The following RNF212 variants were observed in gnomAD, a reference collection of about 807,000 sequenced individuals.
RNF212 encodes the protein ring finger protein 212, also known as probable E3 SUMO-protein ligase RNF212.
In RNF212, 33 loss-of-function variants were observed where a neutral mutation model predicts 34.7. The observed-to-expected ratio is 0.95, with a 90% confidence interval of 0.72 to 1.27. RNF212 has a LOEUF of 1.27. Ranked by LOEUF, RNF212 falls within the 50% of genes most tolerant of loss-of-function variation. RNF212 has a pLI of 0.00. For synonymous variants in RNF212, 140 were observed against 136.1 expected, an observed-to-expected ratio of 1.03 and a Z score of -0.20; for missense variants, 377 against 362.2, an observed-to-expected ratio of 1.04 and a Z score of -0.33.
intron 5 of RNF212, among the ~76,000 whole-genome samples, chr4:1,082,973 G>A (rs1720593002): frequency 6.6e-6 from 1 of 152,204 alleles, no homozygotes; most frequent in African/African-American, 2.4e-5. Flanking sequence ...AACAAAAGTG[G>A]GTGGCACGAA....
upstream of RNF212, chr4:1,113,703 G>A: frequency 2.4e-6 from 1 of 419,812 alleles, no homozygotes. Flanking sequence ...AGTAGGCGGA[G>A]GAACGCACCG....
chr4:1,113,479 C>A lies in RNF212; in HGVS notation c.-15G>T, dbSNP rs1203945330. The A allele has an allele frequency of 6.2e-7, 1 of 1,601,670 alleles. No homozygotes were observed. Among genetic ancestry groups the A allele is most frequent in the East Asian group, 2.3e-5 (1 of 43,924 alleles). ...CAGTTGGCCATGCCAGGCGGGCGAC[C>A]GCAGCGGCGAGGCCGGGCCCACGCG... is the stretch of plus-strand genomic sequence containing the variant. On this transcript the variant is annotated 5_prime_UTR_variant, in exon 1 of 10. Coordinates refer to ENST00000433731, the MANE Select transcript of RNF212 (RefSeq NM_001131034.4).
chr4:1,113,581 C>G (rs1371916943), upstream of RNF212: 8 of 737,584 alleles, frequency 1.1e-5, no homozygotes, highest in Non-Finnish European at 1.6e-5. Flanking sequence ...GCAAAGTCGA[C>G]GGCAGCCCTG....
chr4:1,074,287 A>T (rs1251404325), intron 8 of RNF212, among the ~76,000 whole-genome samples: 1 of 152,110 alleles, frequency 6.6e-6, no homozygotes, highest in African/African-American at 2.4e-5. Context: ...TGCTACTTCT[A>T]GTTGCTGCCC....
chr4:1,076,889 T>C (rs1577661320), intron 8 of RNF212, among the ~76,000 whole-genome samples: 1 of 152,196 alleles, frequency 6.6e-6, no homozygotes, highest in South Asian at 2.1e-4. Flanking sequence ...CATGACAGAG[T>C]TGAGTAGCTG....
chr4:1,072,890 C>T lies in RNF212; in HGVS notation c.878G>A (p.Arg293Lys). The T allele has an allele frequency of 6.2e-7, 1 of 1,605,072 alleles. No individual in the cohort carries two copies. Among genetic ancestry groups the T allele is most frequent in the Non-Finnish European group, 8.5e-7 (1 of 1,175,374 alleles). Reference sequence around the variant, plus strand: ...AAATGCAAATCAAAATGACTTTTTCCTTTCAAATTGGCAAAGAGGAAACAC... The same window carrying T: ...AAATGCAAATCAAAATGACTTTTTCTTTTCAAATTGGCAAAGAGGAAACAC... ...SVVFPLCQFERKKSF is the reference protein window; with the variant it reads ...SVVFPLCQFEKKKSF Residue 293 changes from arginine (R) to lysine (K), a missense_variant, in exon 10 of 10, where the codon AGG (arginine) becomes AAG (lysine). By Grantham distance (26) the Arg-to-Lys change is conservative. Coordinates refer to ENST00000433731, the MANE Select transcript of RNF212 (RefSeq NM_001131034.4).
chr4:1,064,960 C>T (rs976201180), intron 3 of RNF212, among the ~76,000 whole-genome samples: 45 of 152,174 alleles, frequency 3.0e-4, no homozygotes, highest in African/African-American at 9.7e-4. Context: ...CACGCGGTAG[C>T]GTGTGCCAGA....
At chr4:1,075,332 G>C (rs537362658) in intron 8 of RNF212, among the ~76,000 whole-genome samples, 6 of 152,186 alleles carry the variant, frequency 3.9e-5, no homozygotes, top group Admixed American at 1.3e-4. Flanking sequence ...AAGAAAAGAG[G>C]TTTAACTGGC....
intron 2 of RNF212, among the ~76,000 whole-genome samples, chr4:1,098,455 G>C (rs963114126): frequency 6.6e-6 from 1 of 152,208 alleles, no homozygotes; most frequent in Non-Finnish European, 1.5e-5. Context: ...GGCTCCCAGA[G>C]GCAGAGGCCA....
chr4:1,094,576 G>C (rs548786654), intron 3 of RNF212, among the ~76,000 whole-genome samples: 87 of 152,226 alleles, frequency 5.7e-4, no homozygotes, highest in Admixed American at 3.1e-3. Context: ...TCAGCTGCCA[G>C]GATGGGGGCC....
At chr4:1,100,467 G>C (rs1003057265) in intron 2 of RNF212, 1 of 143,628 alleles carries the variant, frequency 7.0e-6, no homozygotes, top group African/African-American at 2.7e-5. Context: ...GATTGCAGTG[G>C]TGCGATCTCC....
In RNF212 at chr4:1,073,102, T is replaced by C; in HGVS notation, c.666A>G (p.Ser222=). The change falls in exon 10 of 10, where the codon TCA becomes TCG. Residue 222 remains serine, a synonymous_variant. Coordinates refer to ENST00000433731, the MANE Select transcript of RNF212 (RefSeq NM_001131034.4). ...GACAGACGTCTATGCAGAAACATGG[T>C]GAACCTCTGGAAATGACACACTCTC... The part of the protein sequence containing the change: ...VPGECVISRG[S]PCFCIDVCPH... 6.2e-7 allele frequency: 1 copy of C among 1,614,074 alleles called. No individual in the cohort carries two copies. Among genetic ancestry groups the C allele is most frequent in the Non-Finnish European group, 8.5e-7 (1 of 1,180,020 alleles).
chr4:1,103,020 A>G lies in RNF212; in HGVS notation c.171+5323T>C, dbSNP rs564828075. Among the ~76,000 whole-genome samples, 39 of 152,202 alleles carry G rather than the reference A, an allele frequency of 2.6e-4. No homozygotes were observed. In the South Asian group the frequency reaches 7.0e-3, roughly 27 times the overall value. ...AAAAAAAATCACTAACATTTGGCACACTGGTCAAGAGAAAAGAGAATTCAT... is the reference window on the plus strand; with the variant it reads ...AAAAAAAATCACTAACATTTGGCACGCTGGTCAAGAGAAAAGAGAATTCAT... On this transcript the variant is annotated intron_variant, in intron 2 of 9. Transcript: ENST00000433731.
chr4:1,107,537 G>A (rs1725022357), intron 2 of RNF212, among the ~76,000 whole-genome samples: 1 of 149,860 alleles, frequency 6.7e-6, no homozygotes, highest in Admixed American at 6.7e-5. Flanking sequence ...TGCAGGCTCC[G>A]CCTCCCGGGT....
At chr4:1,083,800 G>C (rs932869169) in intron 5 of RNF212, among the ~76,000 whole-genome samples, 1 of 152,180 alleles carries the variant, frequency 6.6e-6, no homozygotes, top group African/African-American at 2.4e-5. Context: ...GGGAGCTGCA[G>C]GTTGTGGCTG....
At chr4:1,071,437 T>TA (rs1478666196), downstream of RNF212, 1 of 152,082 alleles carries the variant, frequency 6.6e-6, no homozygotes, top group Non-Finnish European at 1.5e-5. Flanking sequence ...CTGTGAAAGA[T>TA]AATGTCAAGA....
intron 3 of RNF212, 95 bp from the exon 4 acceptor site, chr4:1,090,933 G>A: frequency 2.5e-6 from 2 of 788,104 alleles, no homozygotes; most frequent in Admixed American, 2.0e-5. Context: ...GGACTCTCAG[G>A]AGAGCTCACA....
intron 3 of RNF212, among the ~76,000 whole-genome samples, chr4:1,060,062 G>A (rs572883552): frequency 7.3e-6 from 1 of 137,262 alleles, no homozygotes; most frequent in African/African-American, 2.8e-5. Context: ...TCACACCATT[G>A]CACTCCAGCC....
chr4:1,064,319 T>C lies in RNF212; in HGVS notation n.148-5926A>G, dbSNP rs140588441. Among the ~76,000 whole-genome samples the C allele has an allele frequency of 9.8e-4, 149 of 152,334 alleles. 1 individual carries two copies. The East Asian group carries it at 0.027, about 28-fold the overall frequency. The stretch of plus-strand genomic sequence containing the variant: ...AGTCGGTGTTCACCTCAGTGAGTGT[T>C]CACTGTGGTGAGTTCAAGATGCATG... On this transcript the variant is annotated intron_variant and non_coding_transcript_variant, in intron 3 of 4. Transcript: ENST00000503206.
Sources: gnomAD v4.1 joint callset for allele counts (sites outside exome capture counted in the v4.1 genomes callset) on GRCh38, gnomAD v4.1.1 for gene constraint, MANE v1.5 for transcripts, NCBI Gene and HGNC (gene_info 2026-07-23, HGNC 2026-07-21) for gene names.